The following PRSS23 variants were observed in gnomAD, a reference collection of about 807,000 sequenced individuals.
PRSS23 encodes serine protease 23.
In PRSS23, 25 loss-of-function variants were observed where a neutral mutation model predicts 34.7. That is an observed-to-expected ratio of 0.72 (90% confidence interval 0.53 to 1.01). The LOEUF (loss-of-function observed/expected upper bound fraction) is 1.01. PRSS23 is among the 50% of genes least tolerant of loss of function. PRSS23 has a pLI of 0.00. For missense variants in PRSS23, 445 were observed against 475.6 expected (o/e 0.94, Z 0.60); for synonymous variants, 176 against 186.6 (o/e 0.94, Z 0.46).
intron 2 of PRSS23, among the ~76,000 whole-genome samples, chr11:86,871,694 A>G (rs2508431): frequency 0.57 from 86,953 of 152,058 alleles, 25,835 homozygotes; most frequent in African/African-American, 0.74. Context: ...CATATATTTT[A>G]TTCCATTTTG....
chr11:86,797,622 T>C (rs77807711), upstream of PRSS23, among the ~76,000 whole-genome samples: 2,216 of 152,272 alleles, frequency 0.015, 66 homozygotes, highest in African/African-American at 0.051. Flanking sequence ...CATCTTGTTC[T>C]CCATGACTCT....
chr11:86,825,287 A>G lies in PRSS23; in HGVS notation c.206+1694A>G, dbSNP rs574779604. Among the ~76,000 whole-genome samples the G allele has an allele frequency of 7.9e-5, 12 of 152,044 alleles. No homozygotes were observed. The East Asian group carries it at 2.3e-3, about 29-fold the overall frequency. On this transcript the variant is annotated intron_variant, in intron 2 of 2. Coordinates refer to the PRSS23 transcript ENST00000533902. Reference sequence around the variant, plus strand: ...GCTGCATAAATGTCTTCTTTTGAGAAGTGTCTGTTCATGTCCTTGGCCCAC... The same window carrying G: ...GCTGCATAAATGTCTTCTTTTGAGAGGTGTCTGTTCATGTCCTTGGCCCAC...
intron 2 of PRSS23, among the ~76,000 whole-genome samples, chr11:86,915,801 C>A (rs1005843230): frequency 2.0e-5 from 3 of 152,068 alleles, no homozygotes; most frequent in South Asian, 2.1e-4. Flanking sequence ...GTAATCCCAG[C>A]GCTTTGGGAG....
chr11:86,821,732 C>A, intron 1 of PRSS23: 1 of 1,386,380 alleles, frequency 7.2e-7, no homozygotes, highest in Non-Finnish European at 1.0e-6. Flanking sequence ...CTGTCTATTT[C>A]TTCAAAGTGT....
chr11:86,936,604 A>G (rs1949164209), intron 2 of PRSS23: 3 of 151,882 alleles, frequency 2.0e-5, no homozygotes, highest in Non-Finnish European at 2.9e-5. Context: ...AAGGTATATA[A>G]TCTTGCTGAA....
chr11:86,799,230 G>A (rs1460598952), upstream of PRSS23, among the ~76,000 whole-genome samples: 1 of 152,132 alleles, frequency 6.6e-6, no homozygotes, highest in Non-Finnish European at 1.5e-5. Flanking sequence ...GAGCTACAGA[G>A]GGAGTACTTG....
chr11:86,833,126 C>T (rs1171964488), intron 2 of PRSS23: 9 of 684,450 alleles, frequency 1.3e-5, no homozygotes, highest in Non-Finnish European at 2.1e-5. Flanking sequence ...GCATGTCTTT[C>T]TTCCATGCCT....
chr11:86,952,521 T>C (rs1204603620), exon 3 of PRSS23: 2 of 1,592,994 alleles, frequency 1.3e-6, no homozygotes, highest in Non-Finnish European at 1.7e-6. Flanking sequence ...GACTTGGAAG[T>C]TTGACCAAAT....
rs190135386 is a variant in PRSS23 at position 86,875,735 on chromosome 11, C to A, written c.206+52142C>A. ...GAGACCTCCAATCCCATCAATTATT[C>A]TCTGTCATTTGGTGTAAAGCTGCAG... On this transcript the variant is annotated intron_variant, in intron 2 of 2. Coordinates refer to the PRSS23 transcript ENST00000533902. 9.2e-5 allele frequency among the ~76,000 whole-genome samples: 14 copies of A among 152,304 alleles called. No homozygotes were observed. In the East Asian group the frequency reaches 2.5e-3, roughly 27 times the overall value.
chr11:86,870,711 A>AT (rs1271074966), intron 2 of PRSS23, among the ~76,000 whole-genome samples: 2 of 151,950 alleles, frequency 1.3e-5, no homozygotes, highest in Admixed American at 1.3e-4. Context: ...CTGTGCATCA[A>AT]TTTTTTGTAG....
chr11:86,833,326 A>G, intron 2 of PRSS23: 3 of 1,150,594 alleles, frequency 2.6e-6, no homozygotes, highest in Non-Finnish European at 3.9e-6. Flanking sequence ...GGCCAGGATA[A>G]TGAGCAGATT....
intron 2 of PRSS23, among the ~76,000 whole-genome samples, chr11:86,839,398 A>G (rs772503492): frequency 3.3e-5 from 5 of 152,174 alleles, no homozygotes; most frequent in Non-Finnish European, 5.9e-5. Context: ...TGAGAAGAAT[A>G]GAGAAAAAAG....
intron 2 of PRSS23, among the ~76,000 whole-genome samples, chr11:86,925,378 GC>G (rs1188672840): frequency 2.6e-5 from 4 of 151,960 alleles, no homozygotes; most frequent in Admixed American, 1.3e-4. Context: ...TTGATAAGCT[GC>G]TTCTCATTGG....
rs770120565 is a variant in PRSS23 at position 86,809,901 on chromosome 11, C to G, written c.*1106C>G. The G allele has an allele frequency of 6.0e-6, 1 of 166,990 alleles. No individual in the cohort carries two copies. Among genetic ancestry groups the G allele is most frequent in the Non-Finnish European group, 1.5e-5 (1 of 68,120 alleles). The allele number at this position is 166,990 out of a possible 1,614,324, so 10.3% of individuals were successfully genotyped here. A position where few individuals can be genotyped will look rare whatever the true frequency, so the allele number is the denominator to read the frequency against. On this transcript the variant is annotated 3_prime_UTR_variant, in exon 2 of 2. Transcript: ENST00000280258. ...GCTTTCTGGGAGCTATGTACTTCTT[C>G]AATTTGGAAACTTTTCTCTCTCATT...
intron 2 of PRSS23, among the ~76,000 whole-genome samples, chr11:86,879,155 C>G (rs11234852): frequency 7.2e-6 from 1 of 138,428 alleles, no homozygotes; most frequent in African/African-American, 2.7e-5. Flanking sequence ...TCTTCCCGGC[C>G]GCCATCCCAT....
At chr11:86,839,354 A>G (rs557095955) in intron 2 of PRSS23, among the ~76,000 whole-genome samples, 4 of 152,324 alleles carry the variant, frequency 2.6e-5, no homozygotes, top group Non-Finnish European at 4.4e-5. Context: ...TGCATGCGTT[A>G]TCAGTGACTG....
Position 86,810,395 on chromosome 11 carries a change from G to A in PRSS23, c.*1600G>A, listed in dbSNP as rs1948164383. On this transcript the variant is annotated 3_prime_UTR_variant, in exon 2 of 2. Coordinates refer to ENST00000280258, the MANE Select transcript of PRSS23 (RefSeq NM_007173.6). ...CTTTTTGGAAGGATAATTCTGATAA[G>A]GCACTCAAGAAACGTACAACCACAG... The A allele has an allele frequency of 6.0e-6, 1 of 167,036 alleles. No homozygotes were observed. 10.3% of individuals were successfully genotyped at this position (167,036 alleles called of 1,614,324 possible). A position where few individuals can be genotyped will look rare whatever the true frequency, so the allele number is the denominator to read the frequency against.
At chr11:86,827,118 G>C (rs1948308246) in intron 2 of PRSS23, among the ~76,000 whole-genome samples, 1 of 152,162 alleles carries the variant, frequency 6.6e-6, no homozygotes, top group Non-Finnish European at 1.5e-5. Flanking sequence ...GAATCCATCT[G>C]GTCCTGGACT....
chr11:86,909,103 T>C (rs1452789667), intron 2 of PRSS23: 1 of 152,130 alleles, frequency 6.6e-6, no homozygotes, highest in African/African-American at 2.4e-5. Context: ...ATGTCAGCTG[T>C]CAAGCCCAAG....
Sources: allele counts gnomAD v4.1 joint callset (sites outside exome capture counted in the v4.1 genomes callset), GRCh38; gene constraint gnomAD v4.1.1; transcripts MANE v1.5; gene names NCBI Gene and HGNC (gene_info 2026-07-23, HGNC 2026-07-21).